ICA1: variants seen among roughly 807,000 people sequenced by gnomAD.
ICA1 encodes the protein islet cell autoantigen 1.
Under a neutral mutation model 71.0 loss-of-function variants are expected in ICA1, and 40 were observed. The ratio of observed to expected loss-of-function variants is 0.56; its 90% confidence interval spans 0.44 to 0.73. The LOEUF is 0.73. ICA1 is among the 30% of genes least tolerant of loss of function. ICA1 has a pLI of 0.00. For synonymous variants in ICA1, 207 were observed against 209.5 expected (o/e 0.99, Z 0.10); for missense variants, 578 against 576.5 (o/e 1.00, Z -0.03).
chr7:8,124,099 C>T (rs928259834), intron 13 of ICA1, among the ~76,000 whole-genome samples: 3 of 150,380 alleles, frequency 2.0e-5, no homozygotes, highest in Admixed American at 6.6e-5. Context: ...CATAGATTCA[C>T]TGAATCATAC....
chr7:8,184,573 T>C (rs1324908192), intron 6 of ICA1, among the ~76,000 whole-genome samples: 5 of 152,212 alleles, frequency 3.3e-5, no homozygotes, highest in Non-Finnish European at 7.3e-5. Flanking sequence ...CTTTCTCTCT[T>C]CCTAGGCCAC....
chr7:8,179,275 A>G (rs143348307), intron 6 of ICA1, among the ~76,000 whole-genome samples: 1,879 of 152,326 alleles, frequency 0.012, 11 homozygotes, highest in Middle Eastern at 0.02. Context: ...TCTGTCCCAT[A>G]ACCTAGCCTA....
At chr7:8,215,053 G>C (rs562048683) in intron 6 of ICA1, among the ~76,000 whole-genome samples, 37 of 152,032 alleles carry the variant, frequency 2.4e-4, no homozygotes, top group Non-Finnish European at 5.1e-4. Context: ...CCTCCCAGTA[G>C]TTCTCCCAGC....
At chr7:8,145,242 G>A (rs571511118) in intron 8 of ICA1, among the ~76,000 whole-genome samples, 14 of 152,042 alleles carry the variant, frequency 9.2e-5, no homozygotes, top group Admixed American at 2.0e-4. Context: ...CAACCTCTCT[G>A]ACCAATTTTG....
chr7:8,206,440 A>G (rs1270490970), intron 6 of ICA1, among the ~76,000 whole-genome samples: 1 of 152,208 alleles, frequency 6.6e-6, no homozygotes, highest in Non-Finnish European at 1.5e-5. Flanking sequence ...ATTATTAAAA[A>G]CAAACCATTT....
chr7:8,156,760 T>A (rs984004501), intron 8 of ICA1: 2 of 1,396,224 alleles, frequency 1.4e-6, no homozygotes, highest in African/African-American at 2.9e-5. Flanking sequence ...ATGGGACTTG[T>A]ACAATCTCCC....
At chr7:8,125,725 T>C (rs895789205) in intron 13 of ICA1, among the ~76,000 whole-genome samples, 1 of 152,230 alleles carries the variant, frequency 6.6e-6, no homozygotes, top group Non-Finnish European at 1.5e-5. Flanking sequence ...TGGCACACAG[T>C]GGGACCCGGT....
At chr7:8,185,551 G>C (rs1466688316) in intron 6 of ICA1, among the ~76,000 whole-genome samples, 1 of 152,160 alleles carries the variant, frequency 6.6e-6, no homozygotes, top group Non-Finnish European at 1.5e-5. Flanking sequence ...AACTGGGATG[G>C]GGCACATCAA....
At chr7:8,141,452 A>G (rs1795195894) in intron 10 of ICA1, among the ~76,000 whole-genome samples, 1 of 152,170 alleles carries the variant, frequency 6.6e-6, no homozygotes. Flanking sequence ...CACAGCAGAA[A>G]TCTTATAATC....
intron 6 of ICA1, among the ~76,000 whole-genome samples, chr7:8,176,706 T>C (rs554587539): frequency 3.3e-5 from 5 of 152,334 alleles, no homozygotes; most frequent in African/African-American, 1.2e-4. Flanking sequence ...CTCTGTTTGC[T>C]GAATTACTGC....
chr7:8,146,234 G>C (rs962011522), intron 8 of ICA1, among the ~76,000 whole-genome samples: 1 of 152,224 alleles, frequency 6.6e-6, no homozygotes, highest in Non-Finnish European at 1.5e-5. Context: ...CATTACCCCA[G>C]TTAGCAGGAT....
intron 1 of ICA1, among the ~76,000 whole-genome samples, chr7:8,260,317 T>C (rs1175271899): frequency 5.9e-5 from 9 of 152,178 alleles, no homozygotes; most frequent in Admixed American, 5.9e-4. Flanking sequence ...GTGAGATTGA[T>C]CTTTATGCAC....
intron 8 of ICA1, among the ~76,000 whole-genome samples, chr7:8,150,999 A>T (rs893611757): frequency 5.3e-5 from 8 of 152,256 alleles, no homozygotes; most frequent in Non-Finnish European, 7.3e-5. Context: ...AAACACGGAA[A>T]GAAGAACAAG....
intron 13 of ICA1, among the ~76,000 whole-genome samples, chr7:8,125,125 G>A (rs1456862860): frequency 6.6e-6 from 1 of 152,162 alleles, no homozygotes; most frequent in African/African-American, 2.4e-5. Flanking sequence ...TAGAATCCCA[G>A]CAGAGGAAAT....
rs531953237 is a variant in ICA1, at chr7:8,120,800, C to G, written c.1331-6756G>C. On this transcript the variant is annotated intron_variant, in intron 13 of 13. Transcript: ENST00000402384. The stretch of plus-strand genomic sequence containing the variant: ...CTAAATCAGCCAGGCATAAGGCCGG[C>G]CAGCTACAGCAGCAAGTGAAGCCAA... Among the ~76,000 whole-genome samples the G allele has an allele frequency of 2.2e-4, 34 of 152,368 alleles. No homozygotes were observed. In the South Asian group the frequency reaches 7.0e-3, roughly 32 times the overall value.
intron 9 of ICA1, among the ~76,000 whole-genome samples, chr7:8,143,339 G>A (rs1341789442): frequency 6.6e-6 from 1 of 152,208 alleles, no homozygotes; most frequent in Non-Finnish European, 1.5e-5. Context: ...TGTACTTGAA[G>A]CTGTTCTCTG....
chr7:8,157,342 TCC>T, intron 7 of ICA1, 128 bp from the exon 8 acceptor site: 1 of 934,692 alleles, frequency 1.1e-6, no homozygotes, highest in Non-Finnish European at 1.6e-6. Context: ...TTTCCATGCT[TCC>T]CATTATGCCC....
chr7:8,232,415 G>T (rs1800540332), intron 3 of ICA1, among the ~76,000 whole-genome samples, 175 bp downstream of exon 3: 3 of 152,160 alleles, frequency 2.0e-5, no homozygotes, highest in Non-Finnish European at 4.4e-5. Flanking sequence ...GAGGCATGGT[G>T]GTTATGTGAG....
At chr7:8,216,302 G>A (rs1255780093) in intron 6 of ICA1, among the ~76,000 whole-genome samples, 1 of 152,020 alleles carries the variant, frequency 6.6e-6, no homozygotes, top group Non-Finnish European at 1.5e-5. Context: ...TGGAGAGTCT[G>A]GTCTAATCAA....
Sources: allele counts gnomAD v4.1 joint callset (sites outside exome capture counted in the v4.1 genomes callset), GRCh38; gene constraint gnomAD v4.1.1; transcripts MANE v1.5; gene names NCBI Gene and HGNC (gene_info 2026-07-23, HGNC 2026-07-21).